MUC15: variants seen among roughly 807,000 people sequenced by gnomAD.
The protein encoded by MUC15 is mucin 15, cell surface associated.
A neutral mutation model predicts 24.0 loss-of-function variants in MUC15; 23 were observed. The observed-to-expected ratio is 0.96, with a 90% CI of 0.69 to 1.36. The LOEUF is 1.36. Among genes scored for constraint, MUC15 ranks in the 40% most tolerant of loss-of-function variants. The pLI, the probability that MUC15 is intolerant of heterozygous loss-of-function variation, is 0.00. For missense variants in MUC15, 442 were observed against 428.2 expected, an observed-to-expected ratio of 1.03 and a Z score of -0.29; for synonymous variants, 151 against 156.3, an observed-to-expected ratio of 0.97 and a Z score of 0.25.
Position 26,564,728 on chromosome 11 carries a change from C to T in MUC15, c.775+437G>A, listed in dbSNP as rs867887776. Among the ~76,000 whole-genome samples the T allele has an allele frequency of 5.2e-3, 187 of 36,108 alleles. 1 individual carries two copies. The highest frequency in any genetic ancestry group is 0.021 in the African/African-American group (161 of 7,820). 23.7% of individuals were successfully genotyped at this position (36,108 alleles called of 152,430 possible). On this transcript the variant is annotated intron_variant, in intron 3 of 4. Coordinates refer to ENST00000529533, the MANE Select transcript of MUC15 (RefSeq NM_001135091.2). The stretch of plus-strand genomic sequence containing the variant: ...ACACACACACACACACACACACACA[C>T]ACACATATATATATATATATATATA...
chr11:26,559,817 C>A lies in MUC15; in HGVS notation c.*1248G>T. ...TTCATTACTTTCTATCCCTTATTTT[C>A]TGAAGCTGTTTCTGTGTTACACACA... On this transcript the variant is annotated 3_prime_UTR_variant, in exon 5 of 5. Coordinates refer to ENST00000529533, the MANE Select transcript of MUC15 (RefSeq NM_001135091.2). The A allele has an allele frequency of 7.6e-7, 1 of 1,310,790 alleles. No homozygotes were observed. Among genetic ancestry groups the A allele is most frequent in the Non-Finnish European group, 1.1e-6 (1 of 910,640 alleles). The allele number at this position is 1,310,790 out of a possible 1,614,324, so 81.2% of individuals were successfully genotyped here. A position where few individuals can be genotyped will look rare whatever the true frequency, so the allele number is the denominator to read the frequency against.
Position 26,565,550 on chromosome 11 carries a change from T to A in MUC15, c.390A>T (p.Thr130=), listed in dbSNP as rs1224057444. ...AEHSLGSLKP[T]STISTSPPLI... ...AGGGAGGGCTTGTGGAAATGGTAGA[T>A]GTGGGTTTTAGACTGCCCAAAGAAT... Residue 130 remains threonine, a synonymous_variant, in exon 3 of 5, where the codon ACA becomes ACT. Coordinates refer to ENST00000529533, the MANE Select transcript of MUC15 (RefSeq NM_001135091.2). 6.2e-7 allele frequency: 1 copy of A among 1,613,368 alleles called. No individual in the cohort carries two copies. The highest frequency in any genetic ancestry group is 8.5e-7 in the Non-Finnish European group (1 of 1,179,574).
chr11:26,561,861 T>G (rs780100736), intron 4 of MUC15, among the ~76,000 whole-genome samples: 49 of 151,952 alleles, frequency 3.2e-4, no homozygotes, highest in Non-Finnish European at 6.6e-4. Flanking sequence ...GACATGCTCT[T>G]GGTATCTTAA....
chr11:26,564,771 A>AGTT, intron 3 of MUC15, among the ~76,000 whole-genome samples: 1 of 103,792 alleles, frequency 9.6e-6, no homozygotes, highest in Non-Finnish European at 2.1e-5. Context: ...ATATATATAT[A>AGTT]TATATATATA....
chr11:26,561,804 A>G (rs1258784898), intron 4 of MUC15, among the ~76,000 whole-genome samples: 1 of 151,998 alleles, frequency 6.6e-6, no homozygotes, highest in Non-Finnish European at 1.5e-5. Context: ...TAAAACAAAT[A>G]GTCATTATTT....
intron 3 of MUC15, among the ~76,000 whole-genome samples, chr11:26,564,680 TACTCATATATATACACAC>T (rs1307236367): frequency 1.6e-5 from 2 of 125,474 alleles, no homozygotes; most frequent in Non-Finnish European, 3.4e-5. Context: ...CATATATATA[TACTCATATATATACACAC>T]ACACACACAC....
chr11:26,570,874 A>C (rs1272649991), intron 1 of MUC15, among the ~76,000 whole-genome samples: 1 of 152,140 alleles, frequency 6.6e-6, no homozygotes, highest in East Asian at 1.9e-4. Context: ...CCTTCTAAAA[A>C]TGCCTCTTTT....
chr11:26,560,989 C>A lies in MUC15; in HGVS notation c.*76G>T. 1 of 1,437,392 alleles carries A rather than the reference C, an allele frequency of 7.0e-7. No individual in the cohort carries two copies. The highest frequency in any genetic ancestry group is 9.5e-7 in the Non-Finnish European group (1 of 1,054,464). 89.0% of individuals were successfully genotyped at this position (1,437,392 alleles called of 1,614,324 possible). On this transcript the variant is annotated 3_prime_UTR_variant, in exon 5 of 5. Transcript: ENST00000529533. The stretch of plus-strand genomic sequence containing the variant: ...TCCACGTGACAGTAATTTTGTGTAA[C>A]CTTTTGAAAGATGAATTTGTCAAAA...
At chr11:26,570,356 C>T (rs1258190882) in intron 1 of MUC15, among the ~76,000 whole-genome samples, 1 of 152,054 alleles carries the variant, frequency 6.6e-6, no homozygotes, top group Non-Finnish European at 1.5e-5. Context: ...AGCAAACCCA[C>T]ATTCACTGTC....
At position 26,567,072 on chromosome 11, in the gene MUC15, A is replaced by G; in HGVS notation, c.23T>C (p.Leu8Pro). The change falls in exon 2 of 5, where the codon CTT (leucine) becomes CCT (proline). Residue 8 changes from leucine to proline, a missense_variant. Leu to Pro is a moderately conservative substitution (Grantham distance 98). Coordinates refer to ENST00000529533, the MANE Select transcript of MUC15 (RefSeq NM_001135091.2). MGIIQSILATSRDCYSFK... is the reference protein window; with the variant it reads MGIIQSIPATSRDCYSFK... ...CTTACAACAATCCCTTGATGTGGCA[A>G]GAATAGATTGTATTATGCCCATTTT... 6.6e-7 allele frequency: 1 copy of G among 1,507,850 alleles called. No individual in the cohort carries two copies. Among genetic ancestry groups the G allele is most frequent in the Non-Finnish European group, 8.9e-7 (1 of 1,123,456 alleles). The allele number at this position is 1,507,850 out of a possible 1,614,324, so 93.4% of individuals were successfully genotyped here. A position where few individuals can be genotyped will look rare whatever the true frequency, so the allele number is the denominator to read the frequency against.
At chr11:26,571,606 C>G (rs1484204563) in intron 1 of MUC15, among the ~76,000 whole-genome samples, 1 of 151,982 alleles carries the variant, frequency 6.6e-6, no homozygotes, top group Non-Finnish European at 1.5e-5. Context: ...AAAGCAAAAA[C>G]CTCTAATACT....
intron 2 of MUC15, 26 bp from the exon 3 acceptor site, chr11:26,565,922 A>T: frequency 6.5e-7 from 1 of 1,529,876 alleles, no homozygotes; most frequent in Non-Finnish European, 8.8e-7. Flanking sequence ...CATAATTTGA[A>T]TTCCTTAAAT....
chr11:26,565,924 T>C, intron 2 of MUC15, 28 bp from the exon 3 acceptor site: 2 of 1,527,508 alleles, frequency 1.3e-6, no homozygotes, highest in Middle Eastern at 2.2e-4. Context: ...TAATTTGAAT[T>C]CCTTAAATAA....
rs761629689 is a variant in MUC15, at chr11:26,565,612, C to T, written c.328G>A (p.Gly110Arg). Residue 110 changes from glycine (G) to arginine (R), a missense_variant, in exon 3 of 5, where the codon GGA (glycine) becomes AGA (arginine). Physicochemically the swap from Gly to Arg is moderately radical, Grantham distance 125. Transcript: ENST00000529533. ...GAGTTACTGGAGAAATCTGTTATTC[C>T]GTGGCTGTTGTTGGGTAGATTCAAA... ...PPLNLPNNSH[G>R]ITDFSSNSSA... is the part of the protein sequence containing the mutation. The T allele has an allele frequency of 5.6e-6, 9 of 1,613,112 alleles. No homozygotes were observed. Among genetic ancestry groups the T allele is most frequent in the South Asian group, 3.3e-5 (3 of 91,060 alleles).
intron 4 of MUC15, among the ~76,000 whole-genome samples, chr11:26,561,498 C>G (rs969919935): frequency 1.3e-5 from 2 of 151,922 alleles, no homozygotes; most frequent in East Asian, 3.9e-4. Flanking sequence ...TATATCAATA[C>G]CTTGCATAAA....
In MUC15 at chr11:26,559,572, T is replaced by C; in HGVS notation, c.*1493A>G. ...TCATGTGAAATTGTTGCAAGACCCA[T>C]GAAAGGAATTCATATATAATATTTC... On this transcript the variant is annotated 3_prime_UTR_variant, in exon 5 of 5. Coordinates refer to ENST00000529533, the MANE Select transcript of MUC15 (RefSeq NM_001135091.2). 1.6e-6 allele frequency: 1 copy of C among 611,670 alleles called. No individual in the cohort carries two copies. The highest frequency in any genetic ancestry group is 2.1e-5 in the South Asian group (1 of 48,426). 37.9% of individuals were successfully genotyped at this position (611,670 alleles called of 1,614,324 possible).
intron 1 of MUC15, among the ~76,000 whole-genome samples, chr11:26,569,848 G>A (rs917119056): frequency 6.6e-6 from 1 of 152,032 alleles, no homozygotes; most frequent in Non-Finnish European, 1.5e-5. Context: ...GTGCACTGTG[G>A]GGGCAGACAG....
At position 26,565,805 on chromosome 11, in the gene MUC15, T is replaced by C. The variant is rs1850555654; in HGVS notation, c.135A>G (p.Leu45=). 2 of 1,613,270 alleles carry C rather than the reference T, an allele frequency of 1.2e-6. No homozygotes were observed. The highest frequency in any genetic ancestry group is 1.7e-6 in the Non-Finnish European group (2 of 1,179,460). ...GATTTTCTTTTCCATGGCTCCCCGATAGAAGTGAATAAAACAACGTTGAAA... is the reference window on the plus strand; with the variant it reads ...GATTTTCTTTTCCATGGCTCCCCGACAGAAGTGAATAAAACAACGTTGAAA... ...LLISTLFYSL[L]SGSHGKENQD... is the part of the protein sequence containing the mutation. The change falls in exon 3 of 5, where the codon CTA becomes CTG. Residue 45 remains leucine, a synonymous_variant. Transcript: ENST00000529533.
At position 26,567,063 on chromosome 11, in the gene MUC15, G is replaced by T. The variant is rs1443643755; in HGVS notation, c.32C>A (p.Ser11Ter). The T allele has an allele frequency of 1.3e-6, 2 of 1,509,216 alleles. No homozygotes were observed. Among genetic ancestry groups the T allele is most frequent in the Non-Finnish European group, 1.8e-6 (2 of 1,123,748 alleles). The allele number at this position is 1,509,216 out of a possible 1,614,324, so 93.5% of individuals were successfully genotyped here. A position where few individuals can be genotyped will look rare whatever the true frequency, so the allele number is the denominator to read the frequency against. Residue 11 changes from serine (S) to a stop codon, truncating the protein, a stop_gained, in exon 2 of 5, where the codon TCA (serine) becomes TAA (stop). Coordinates refer to ENST00000529533, the MANE Select transcript of MUC15 (RefSeq NM_001135091.2). LOFTEE classifies it high-confidence loss of function. MGIIQSILAT[S>*]RDCYSFKKKP... ...TATTTGATACTTACAACAATCCCTT[G>T]ATGTGGCAAGAATAGATTGTATTAT...
Sources: allele counts gnomAD v4.1 joint callset (sites outside exome capture counted in the v4.1 genomes callset), GRCh38; gene constraint gnomAD v4.1.1; transcripts MANE v1.5; gene names NCBI Gene and HGNC (gene_info 2026-07-23, HGNC 2026-07-21).